The following AGO2 variants were observed in gnomAD, a reference collection of about 807,000 sequenced individuals.
The protein encoded by AGO2 is protein argonaute-2.
AGO2 carries 5 observed loss-of-function variants against 102.3 expected under a neutral mutation model. The observed-to-expected ratio is 0.05, with a 90% CI of 0.03 to 0.10. The LOEUF (loss-of-function observed/expected upper bound fraction) is 0.10, where lower values mean the gene tolerates loss of function less well. Ranked by LOEUF, AGO2 falls within the 10% of genes least tolerant of loss-of-function variation. The pLI is 1.00. For synonymous variants in AGO2, 449 were observed against 473.1 expected (o/e 0.95, Z 0.66); for missense variants, 541 against 1,183.7 (o/e 0.46, Z 7.97).
chr8:140,613,224 A>C (rs974657070), intron 1 of AGO2, among the ~76,000 whole-genome samples: 4 of 152,160 alleles, frequency 2.6e-5, no homozygotes, highest in Admixed American at 6.6e-5. Context: ...ACAAAAAACA[A>C]AAAAACCCCA....
chr8:140,560,304 G>A, intron 5 of AGO2, 70 bp downstream of exon 5: 10 of 1,565,484 alleles, frequency 6.4e-6, no homozygotes, highest in Admixed American at 1.8e-5. Context: ...GCCACCCCCC[G>A]ACCGGGGTCC....
chr8:140,541,925 C>T (rs2072806301), intron 14 of AGO2, among the ~76,000 whole-genome samples: 1 of 152,070 alleles, frequency 6.6e-6, no homozygotes, highest in Admixed American at 6.6e-5. Flanking sequence ...AAAACAAAAA[C>T]AGAAAAACAG....
intron 1 of AGO2, among the ~76,000 whole-genome samples, chr8:140,597,443 C>T (rs907265475): frequency 2.0e-5 from 3 of 149,948 alleles, no homozygotes; most frequent in East Asian, 2.0e-4. Flanking sequence ...GCAGCAGCCA[C>T]GGACACCGAT....
At chr8:140,632,714 C>T (rs1018172009) in intron 1 of AGO2, among the ~76,000 whole-genome samples, 13 of 152,140 alleles carry the variant, frequency 8.5e-5, no homozygotes. Context: ...TCTTAAACAA[C>T]TAACTCAGTT....
intron 3 of AGO2, among the ~76,000 whole-genome samples, chr8:140,568,480 G>A (rs1168565113): frequency 2.6e-5 from 4 of 152,160 alleles, no homozygotes; most frequent in Non-Finnish European, 5.9e-5. Flanking sequence ...TGTCTGGCTG[G>A]CCACGAGGAT....
Position 140,616,919 on chromosome 8 carries a change from G to A in AGO2, c.22+18566C>T, listed in dbSNP as rs1002357069. ...CTGACTGCGTCCAGCGGAGCCCTGCGTGTTTTCACCAGGCAGCCTGTCCAT... is the reference window on the plus strand; with the variant it reads ...CTGACTGCGTCCAGCGGAGCCCTGCATGTTTTCACCAGGCAGCCTGTCCAT... On this transcript the variant is annotated intron_variant, in intron 1 of 18. Transcript: ENST00000220592. Among the ~76,000 whole-genome samples the A allele has an allele frequency of 3.3e-5, 5 of 152,342 alleles. No homozygotes were observed. The South Asian group carries it at 1.0e-3, about 32-fold the overall frequency.
rs556027604 is a variant in AGO2 at position 140,539,864 on chromosome 8, G to A, written c.2035-410C>T. ...AGGACTTTGGGAGGCCGAGTTGGGC[G>A]GATCACAAGATCAAGAGATCGAGAT... On this transcript the variant is annotated intron_variant, in intron 15 of 18. Transcript: ENST00000220592. The surrounding 1 kb of genome is among the most constrained non-coding windows in gnomAD (Gnocchi z 4.7). 9.2e-5 allele frequency among the ~76,000 whole-genome samples: 14 copies of A among 152,288 alleles called. No homozygotes were observed. Among genetic ancestry groups the A allele is most frequent in the Middle Eastern group, 3.4e-3 (1 of 294 alleles).
intron 10 of AGO2, among the ~76,000 whole-genome samples, chr8:140,552,784 C>G (rs2073025167): frequency 6.6e-6 from 1 of 151,760 alleles, no homozygotes; most frequent in Non-Finnish European, 1.5e-5. Context: ...TCTTACTATA[C>G]AGGTGCTTCT....
chr8:140,632,613 T>C (rs1030045039), intron 1 of AGO2, among the ~76,000 whole-genome samples: 1 of 152,200 alleles, frequency 6.6e-6, no homozygotes, highest in Admixed American at 6.5e-5. Context: ...AGGCAATCAC[T>C]AGACACAGAT....
At chr8:140,595,376 ATATT>A in intron 1 of AGO2, among the ~76,000 whole-genome samples, 1 of 151,926 alleles carries the variant, frequency 6.6e-6, no homozygotes. Context: ...ATAAAACAAA[ATATT>A]TATCGTGATT....
chr8:140,521,911 C>A lies in AGO2; in HGVS notation c.*10133G>T, dbSNP rs538888046. 6.6e-6 allele frequency: 1 copy of A among 152,166 alleles called. No homozygotes were observed. The highest frequency in any genetic ancestry group is 2.4e-5 in the African/African-American group (1 of 41,430). 9.4% of individuals were successfully genotyped at this position (152,166 alleles called of 1,614,324 possible). On this transcript the variant is annotated 3_prime_UTR_variant, in exon 19 of 19. Transcript: ENST00000220592. The stretch of plus-strand genomic sequence containing the variant: ...GATTTTTTTTCTGGCCACCCCTTCA[C>A]TGGCACAGAAAATGAAGTGATAAGC...
intron 1 of AGO2, among the ~76,000 whole-genome samples, chr8:140,597,092 G>A (rs888162195): frequency 6.6e-6 from 1 of 152,176 alleles, no homozygotes; most frequent in Non-Finnish European, 1.5e-5. Flanking sequence ...GGAACTCACA[G>A]AGGAACTGTA....
chr8:140,589,353 G>A lies in AGO2; in HGVS notation c.23-4042C>T, dbSNP rs964033850. Among the ~76,000 whole-genome samples the A allele has an allele frequency of 2.0e-5, 3 of 152,220 alleles. No homozygotes were observed. Among genetic ancestry groups the A allele is most frequent in the South Asian group, 2.1e-4 (1 of 4,826 alleles). On this transcript the variant is annotated intron_variant, in intron 1 of 18. Coordinates refer to ENST00000220592, the MANE Select transcript of AGO2 (RefSeq NM_012154.5). This position sits in a 1 kb window ranked among gnomAD's most constrained non-coding sequence, Gnocchi z 4.2. ...CCGTGAAGCCGCTTTGGCTACCGGC[G>A]GGTGAACCACAGGCCCGGGTCAGCA...
At chr8:140,577,481 T>A (rs561580033) in intron 2 of AGO2, among the ~76,000 whole-genome samples, 1 of 152,138 alleles carries the variant, frequency 6.6e-6, no homozygotes, top group Admixed American at 6.5e-5. Flanking sequence ...TAGGCCTACA[T>A]AAAGGTAATT....
intron 3 of AGO2, among the ~76,000 whole-genome samples, chr8:140,571,848 C>T (rs1010670161): frequency 5.3e-5 from 8 of 152,274 alleles, no homozygotes; most frequent in South Asian, 4.1e-4. Context: ...CAGGTTCAAG[C>T]GATTTTCCTG....
At chr8:140,628,596 G>A (rs1428217992) in intron 1 of AGO2, among the ~76,000 whole-genome samples, 1 of 149,964 alleles carries the variant, frequency 6.7e-6, no homozygotes, top group Non-Finnish European at 1.5e-5. Context: ...CTTGAGGCCA[G>A]GAGTGAGACC....
intron 1 of AGO2, among the ~76,000 whole-genome samples, chr8:140,618,888 C>A (rs1424101070): frequency 6.7e-6 from 1 of 150,270 alleles, no homozygotes; most frequent in East Asian, 2.0e-4. Flanking sequence ...TTTCTTTTTA[C>A]TTCCACATCT....
In AGO2 at chr8:140,635,489, G is replaced by T; in HGVS notation, c.18C>A (p.Gly6=). 3.1e-5 allele frequency: 30 copies of T among 980,466 alleles called. No homozygotes were observed. The highest frequency in any genetic ancestry group is 3.6e-5 in the Non-Finnish European group (30 of 827,942). 60.7% of individuals were successfully genotyped at this position (980,466 alleles called of 1,614,324 possible). The change falls in exon 1 of 19, where the codon GGC becomes GGA. Residue 6 remains glycine, a synonymous_variant. Transcript: ENST00000220592. ...GCCCCGAGCGCCAGGACTCACCGGG[G>T]CCGGCTCCCGAGTACATGGTGGCGC... MYSGA[G]PALAPPAPPP...
chr8:140,555,019 A>C (rs2073071480), intron 10 of AGO2, among the ~76,000 whole-genome samples: 1 of 152,186 alleles, frequency 6.6e-6, no homozygotes, highest in African/African-American at 2.4e-5. Flanking sequence ...AAAACAAACA[A>C]ACAAACAAAA....
Sources: gnomAD v4.1 joint callset for allele counts (sites outside exome capture counted in the v4.1 genomes callset) on GRCh38, gnomAD v4.1.1 for gene constraint, Gnocchi (gnomAD v3.1) non-coding constraint, MANE v1.5 for transcripts, NCBI Gene and HGNC (gene_info 2026-07-23, HGNC 2026-07-21) for gene names.